TMEM178A: variants seen among roughly 807,000 people sequenced by gnomAD.
TMEM178A encodes transmembrane protein 178A.
A neutral mutation model predicts 29.1 loss-of-function variants in TMEM178A; 12 were observed. The ratio of observed to expected loss-of-function variants is 0.41; its 90% CI spans 0.26 to 0.67. The LOEUF (loss-of-function observed/expected upper bound fraction) is 0.67, where lower values mean the gene tolerates loss of function less well. Among genes scored for constraint, TMEM178A ranks in the 30% least tolerant of loss-of-function variants. The pLI is 0.29. For missense variants in TMEM178A, 366 were observed against 419.1 expected, an observed-to-expected ratio of 0.87 and a Z score of 1.11; for synonymous variants, 210 against 187.2, an observed-to-expected ratio of 1.12 and a Z score of -0.99.
At chr2:39,721,985 C>CAAAAA (rs57605942), downstream of TMEM178A, among the ~76,000 whole-genome samples, 3 of 40,092 alleles carry the variant, frequency 7.5e-5, no homozygotes, top group African/African-American at 2.0e-4. Flanking sequence ...AGACCAGTCT[C>CAAAAA]AAAAAAAAAA....
intron 2 of TMEM178A, 85 bp downstream of exon 2, chr2:39,704,279 G>A (rs1249848741): frequency 8.3e-5 from 96 of 1,163,142 alleles, no homozygotes; most frequent in Non-Finnish European, 1.1e-4. Flanking sequence ...CTGGACAGAA[G>A]GATGTTGTTC....
the TMEM178A span, among the ~76,000 whole-genome samples, chr2:39,726,415 G>C: frequency 5.9e-5 from 9 of 152,204 alleles, no homozygotes; most frequent in African/African-American, 1.9e-4. Context: ...AAGGTAGAAT[G>C]AAAGTGAGAG....
At chr2:39,687,455 G>A (rs1671132179) in intron 1 of TMEM178A, 2 of 167,148 alleles carry the variant, frequency 1.2e-5, no homozygotes, top group South Asian at 4.2e-4. Context: ...CACCCCTGAT[G>A]TGGGGCTCAT....
intron 1 of TMEM178A, among the ~76,000 whole-genome samples, chr2:39,680,541 T>A (rs2716684): frequency 0.52 from 78,318 of 151,992 alleles, 21,146 homozygotes; most frequent in East Asian, 0.87. Context: ...CTCAACTGTA[T>A]AATTTATAAT....
intron 1 of TMEM178A, among the ~76,000 whole-genome samples, chr2:39,679,840 A>G (rs1018851851): frequency 6.6e-6 from 1 of 151,702 alleles, no homozygotes; most frequent in Admixed American, 6.6e-5. Context: ...TGCAAGAAAG[A>G]CTCTTGGTTG....
intron 1 of TMEM178A, among the ~76,000 whole-genome samples, chr2:39,695,824 G>T (rs559597557): frequency 6.6e-6 from 1 of 152,156 alleles, no homozygotes; most frequent in South Asian, 2.1e-4. Flanking sequence ...CGCATCTTCT[G>T]TTGGTCAGTG....
chr2:39,676,145 A>T (rs1220850678), intron 1 of TMEM178A, among the ~76,000 whole-genome samples: 1 of 152,222 alleles, frequency 6.6e-6, no homozygotes, highest in African/African-American at 2.4e-5. Flanking sequence ...TAATTTTAAA[A>T]TATGTAGTTG....
downstream of TMEM178A, among the ~76,000 whole-genome samples, chr2:39,722,571 G>C (rs923309097): frequency 6.6e-6 from 1 of 152,168 alleles, no homozygotes; most frequent in Non-Finnish European, 1.5e-5. Flanking sequence ...TGATCAATTA[G>C]TGGTGGCTGG....
In TMEM178A at chr2:39,717,092, C is replaced by G. The variant is rs749247698; in HGVS notation, c.735C>G (p.Ser245Arg). The change falls in exon 4 of 4, where the codon AGC becomes AGG. Residue 245 changes from serine to arginine, a missense_variant. Transcript: ENST00000281961. Reference sequence around the variant, plus strand: ...ACCGGCTCCCAAAGCTAATTTATAGCCTGCCTGCTGATGTGGAACATGGTT... The same window carrying G: ...ACCGGCTCCCAAAGCTAATTTATAGGCTGCCTGCTGATGTGGAACATGGTT... ...DLNRLPKLIY[S>R]LPADVEHGYS... 6.2e-7 allele frequency: 1 copy of G among 1,611,988 alleles called. No homozygotes were observed.
At chr2:39,687,375 A>G (rs1462872260) in intron 1 of TMEM178A, 1 of 166,718 alleles carries the variant, frequency 6.0e-6, no homozygotes, top group African/African-American at 2.4e-5. Flanking sequence ...CTGTCTGGAG[A>G]TGTCAGTTCC....
chr2:39,724,073 A>G, the TMEM178A span, among the ~76,000 whole-genome samples: 2 of 152,176 alleles, frequency 1.3e-5, no homozygotes, highest in Non-Finnish European at 2.9e-5. Flanking sequence ...ACTGACCTTC[A>G]AGAGACCCTG....
chr2:39,721,267 T>A (rs1672697326), downstream of TMEM178A, among the ~76,000 whole-genome samples: 1 of 152,236 alleles, frequency 6.6e-6, no homozygotes, highest in Admixed American at 6.5e-5. Flanking sequence ...CAATACATAT[T>A]CCTCTTAATA....
intron 1 of TMEM178A, among the ~76,000 whole-genome samples, chr2:39,701,362 G>A (rs1671773669): frequency 6.6e-6 from 1 of 152,068 alleles, no homozygotes; most frequent in South Asian, 2.1e-4. Flanking sequence ...TGTTTTGAAT[G>A]TGTCATCCTA....
intron 3 of TMEM178A, among the ~76,000 whole-genome samples, chr2:39,707,870 G>T (rs991973238): frequency 1.3e-5 from 2 of 152,214 alleles, no homozygotes; most frequent in African/African-American, 4.8e-5. Context: ...GGATAGATCA[G>T]CACAACCCAT....
At chr2:39,732,452 T>C in the TMEM178A span, among the ~76,000 whole-genome samples, 9 of 152,132 alleles carry the variant, frequency 5.9e-5, no homozygotes, top group African/African-American at 1.9e-4. Context: ...TCCCATCTGA[T>C]GAGGATGTGC....
At chr2:39,722,483 T>G (rs1337238898), downstream of TMEM178A, among the ~76,000 whole-genome samples, 2 of 152,206 alleles carry the variant, frequency 1.3e-5, no homozygotes, top group Non-Finnish European at 2.9e-5. Context: ...TGCCAGCCGA[T>G]TCCTCTCTGA....
At chr2:39,715,379 T>C (rs1672491568) in intron 3 of TMEM178A, among the ~76,000 whole-genome samples, 1 of 152,216 alleles carries the variant, frequency 6.6e-6, no homozygotes, top group Admixed American at 6.5e-5. Flanking sequence ...TTGTTATATA[T>C]AAAAACTGCC....
At chr2:39,711,400 C>T (rs952331133) in intron 3 of TMEM178A, among the ~76,000 whole-genome samples, 13 of 152,144 alleles carry the variant, frequency 8.5e-5, no homozygotes, top group African/African-American at 1.2e-4. Flanking sequence ...TTTTTTAATT[C>T]ACCAGGAGTC....
chr2:39,733,266 C>A, the TMEM178A span, among the ~76,000 whole-genome samples: 1 of 152,152 alleles, frequency 6.6e-6, no homozygotes, highest in Non-Finnish European at 1.5e-5. Context: ...GGCATTAAAT[C>A]GAATATTGCT....
Sources: allele counts gnomAD v4.1 joint callset (sites outside exome capture counted in the v4.1 genomes callset), GRCh38; gene constraint gnomAD v4.1.1; transcripts MANE v1.5; gene names NCBI Gene and HGNC (gene_info 2026-07-23, HGNC 2026-07-21).